BICRAL: variants seen among roughly 807,000 people sequenced by gnomAD.
BICRAL encodes BICRA like chromatin remodeling complex associated protein, also known as BRD4-interacting chromatin-remodeling complex-associated protein-like.
In BICRAL, 8 loss-of-function variants were observed where a neutral mutation model predicts 91.8. The ratio of observed to expected loss-of-function variants is 0.09; its 90% CI spans 0.05 to 0.16. The LOEUF is 0.16. Ranked by LOEUF, BICRAL falls within the 10% of genes least tolerant of loss-of-function variation. BICRAL has a pLI of 1.00. For synonymous variants in BICRAL, 445 were observed against 491.1 expected, an observed-to-expected ratio of 0.91 and a Z score of 1.24; for missense variants, 1,038 against 1,310.9, an observed-to-expected ratio of 0.79 and a Z score of 3.21.
At position 42,864,662 on chromosome 6, in the gene BICRAL, G is replaced by A. The variant is rs779355187; in HGVS notation, c.2456G>A (p.Gly819Asp). The A allele has an allele frequency of 7.4e-6, 12 of 1,612,804 alleles. No homozygotes were observed. Among genetic ancestry groups the A allele is most frequent in the African/African-American group, 1.3e-5 (1 of 75,004 alleles). ...TTCTTTTTGTTCCCATTTCCAGAGG[G>A]TTTTCAGGCTGATTTCTGTTGTTCC... The part of the protein sequence containing the change: ...DKRLALVDPE[G>D]FQADFCCSFK... The change falls in exon 13 of 13, where the codon GGT becomes GAT. Residue 819 changes from glycine to aspartate, a missense_variant. Gly to Asp is a moderately conservative substitution (Grantham distance 94, BLOSUM62 -1). Coordinates refer to ENST00000314073, the MANE Select transcript of BICRAL (RefSeq NM_001393499.1).
chr6:42,748,883 T>C (rs1342429093), intron 1 of BICRAL, among the ~76,000 whole-genome samples: 2 of 152,196 alleles, frequency 1.3e-5, no homozygotes, highest in Non-Finnish European at 2.9e-5. Flanking sequence ...GGGCAGTGGA[T>C]TCAGCATGCA....
chr6:42,768,863 G>C (rs971094785), intron 1 of BICRAL, among the ~76,000 whole-genome samples: 2 of 152,176 alleles, frequency 1.3e-5, no homozygotes, highest in African/African-American at 4.8e-5. Flanking sequence ...CCAGAAGAGA[G>C]GATCCTAATG....
intron 6 of BICRAL, among the ~76,000 whole-genome samples, chr6:42,846,194 G>C (rs573597581): frequency 6.6e-6 from 1 of 151,602 alleles, no homozygotes; most frequent in African/African-American, 2.4e-5. Context: ...GACCAACATG[G>C]TGAAACCCCA....
chr6:42,845,129 G>A (rs1234338385), intron 6 of BICRAL, among the ~76,000 whole-genome samples: 1 of 142,532 alleles, frequency 7.0e-6, no homozygotes, highest in Non-Finnish European at 1.5e-5. Context: ...TTTCTTGGAT[G>A]GTAAATTTGA....
chr6:42,841,183 A>AT (rs70990150), intron 6 of BICRAL, among the ~76,000 whole-genome samples: 1,079 of 80,600 alleles, frequency 0.013, 10 homozygotes, highest in Non-Finnish European at 0.015. Context: ...ACTCTTGAAT[A>AT]TTTTTTTTTT....
At chr6:42,750,056 G>T (rs1441046967) in intron 1 of BICRAL, among the ~76,000 whole-genome samples, 1 of 151,688 alleles carries the variant, frequency 6.6e-6, no homozygotes, top group African/African-American at 2.4e-5. Context: ...GTAGAGGCGG[G>T]GTTTCACTAT....
intron 1 of BICRAL, among the ~76,000 whole-genome samples, chr6:42,790,214 G>C (rs566546920): frequency 6.6e-6 from 1 of 152,178 alleles, no homozygotes; most frequent in African/African-American, 2.4e-5. Flanking sequence ...CTGGAGTGCA[G>C]TGGTACAATT....
At chr6:42,837,484 A>T (rs1764675329) in intron 6 of BICRAL, among the ~76,000 whole-genome samples, 1 of 151,228 alleles carries the variant, frequency 6.6e-6, no homozygotes, top group South Asian at 2.1e-4. Flanking sequence ...GGGCATGTTG[A>T]CTCACGCCTG....
chr6:42,859,847 A>G (rs554310416), intron 10 of BICRAL, among the ~76,000 whole-genome samples: 12 of 151,728 alleles, frequency 7.9e-5, no homozygotes, highest in African/African-American at 2.4e-4. Context: ...GGGTTTCACC[A>G]TGTTAGCCAG....
At chr6:42,808,837 G>A (rs1342556763) in intron 1 of BICRAL, among the ~76,000 whole-genome samples, 1 of 152,136 alleles carries the variant, frequency 6.6e-6, no homozygotes, top group African/African-American at 2.4e-5. Flanking sequence ...GGACCCAGAG[G>A]TTGGAGCTTC....
At chr6:42,788,521 C>T (rs975795197) in intron 1 of BICRAL, among the ~76,000 whole-genome samples, 1 of 151,648 alleles carries the variant, frequency 6.6e-6, no homozygotes, top group Admixed American at 6.6e-5. Context: ...CATGCCTGGC[C>T]GGGAGCAGCA....
intron 6 of BICRAL, among the ~76,000 whole-genome samples, chr6:42,833,148 C>T (rs923107050): frequency 4.6e-5 from 7 of 151,410 alleles, no homozygotes; most frequent in South Asian, 2.1e-4. Flanking sequence ...CTCCGCCTCC[C>T]GGGTTCACGC....
At chr6:42,838,801 A>C (rs527386146) in intron 6 of BICRAL, among the ~76,000 whole-genome samples, 39 of 152,140 alleles carry the variant, frequency 2.6e-4, no homozygotes, top group African/African-American at 8.9e-4. Context: ...TCTCTACTAA[A>C]AATACAAAAA....
chr6:42,751,082 A>C (rs1401535516), intron 1 of BICRAL, among the ~76,000 whole-genome samples: 1 of 149,938 alleles, frequency 6.7e-6, no homozygotes, highest in East Asian at 2.0e-4. Flanking sequence ...CTTTTTTTAA[A>C]GTTATTTTAT....
At chr6:42,779,857 G>C (rs1357834521), upstream of BICRAL, among the ~76,000 whole-genome samples, 2 of 152,126 alleles carry the variant, frequency 1.3e-5, no homozygotes, top group Non-Finnish European at 2.9e-5. Context: ...CTGGCCTCAA[G>C]CTATCCTCCC....
rs763299844 is a variant in BICRAL at position 42,860,268 on chromosome 6, A to G, written c.2261A>G (p.Asn754Ser). The G allele has an allele frequency of 5.0e-6, 8 of 1,588,016 alleles. 1 individual carries two copies. The highest frequency in any genetic ancestry group is 2.7e-5 in the African/African-American group (2 of 74,414). The change falls in exon 11 of 13, where the codon AAT becomes AGT. Residue 754 changes from asparagine (N) to serine (S), a missense_variant. Around this residue, in one of 5 missense-constraint regions of BICRAL, gnomAD observed 294 missense variants for 292.6 expected, o/e 1.00. Coordinates refer to ENST00000314073, the MANE Select transcript of BICRAL (RefSeq NM_001393499.1). Reference sequence around the variant, plus strand: ...TGTCTCTCTCTTTTTAAAGTGGACAATGAATTTGAGACAGTTGCCACTCAG... The same window carrying G: ...TGTCTCTCTCTTTTTAAAGTGGACAGTGAATTTGAGACAGTTGCCACTCAG... ...PTEEDLRKVD[N>S]EFETVATQLL... is the part of the protein sequence containing the mutation.
rs113036268 is a variant in BICRAL at position 42,864,167 on chromosome 6, C to CA, written c.2453-477dup. 6.5e-3 allele frequency among the ~76,000 whole-genome samples: 818 copies of CA among 124,912 alleles called. 6 individuals are homozygous for CA. The highest frequency in any genetic ancestry group is 0.02 in the African/African-American group (690 of 33,692). The allele number at this position is 124,912 out of a possible 152,430, so 81.9% of individuals were successfully genotyped here. On this transcript the variant is annotated intron_variant, in intron 12 of 12. Coordinates refer to ENST00000314073, the MANE Select transcript of BICRAL (RefSeq NM_001393499.1). ...GGGCAACAAGAGCAAAACTCCGTCT[C>CA]AAAAAAAAAAAAAAATACCACAATT...
chr6:42,798,317 AC>A (rs1763470787), intron 1 of BICRAL, among the ~76,000 whole-genome samples: 1 of 152,268 alleles, frequency 6.6e-6, no homozygotes, highest in African/African-American at 2.4e-5. Context: ...ACAAATATGC[AC>A]ATGTACTCTC....
intron 6 of BICRAL, among the ~76,000 whole-genome samples, chr6:42,836,236 A>G (rs1369228793): frequency 6.6e-6 from 1 of 152,240 alleles, no homozygotes; most frequent in Non-Finnish European, 1.5e-5. Context: ...TTAAGCAATC[A>G]TCCATAGCAT....
Sources: allele counts gnomAD v4.1 joint callset (sites outside exome capture counted in the v4.1 genomes callset), GRCh38; gene constraint gnomAD v4.1.1; regional missense constraint gnomAD v4.1.1; transcripts MANE v1.5; gene names NCBI Gene and HGNC (gene_info 2026-07-23, HGNC 2026-07-21).